The following NWD1 variants were observed in gnomAD, a reference collection of about 807,000 sequenced individuals.
NWD1 encodes NACHT domain- and WD repeat-containing protein 1.
In NWD1, 129 loss-of-function variants were observed where a neutral mutation model predicts 135.1. The ratio of observed to expected loss-of-function variants is 0.96; its 90% CI spans 0.83 to 1.11. The LOEUF (loss-of-function observed/expected upper bound fraction) is 1.11. NWD1 is among the 50% of genes least tolerant of loss of function. The pLI is 0.00. For missense variants in NWD1, 1,740 were observed against 1,851.3 expected, an observed-to-expected ratio of 0.94 and a Z score of 1.10; for synonymous variants, 773 against 786.0, an observed-to-expected ratio of 0.98 and a Z score of 0.28.
intron 15 of NWD1, among the ~76,000 whole-genome samples, chr19:16,795,401 A>C (rs905225281): frequency 3.3e-5 from 5 of 150,036 alleles, no homozygotes; most frequent in African/African-American, 9.8e-5. Context: ...GGGGTGTTAC[A>C]GTGTGCTAAT....
In NWD1 at chr19:16,789,091, C is replaced by G. The variant is rs764849466; in HGVS notation, c.2841C>G (p.Thr947=). ...WNLLSGQEKF[T]IWDGGSKNPA... Reference sequence around the variant, plus strand: ...TACTCTCTGGCCAGGAGAAATTTACCATTTGGGATGGAGGCTCAAAAAATC... The same window carrying G: ...TACTCTCTGGCCAGGAGAAATTTACGATTTGGGATGGAGGCTCAAAAAATC... Residue 947 remains threonine (T), a synonymous_variant, in exon 13 of 19, where the codon ACC becomes ACG. Transcript: ENST00000524140. 6.2e-7 allele frequency: 1 copy of G among 1,613,792 alleles called. No homozygotes were observed. Among genetic ancestry groups the G allele is most frequent in the South Asian group, 1.1e-5 (1 of 91,060 alleles).
At chr19:16,802,530 C>G (rs1021456757) in intron 17 of NWD1, among the ~76,000 whole-genome samples, 2 of 151,080 alleles carry the variant, frequency 1.3e-5, no homozygotes, top group African/African-American at 4.9e-5. Flanking sequence ...GGCCGTATGA[C>G]CTCTGCACAC....
intron 8 of NWD1, among the ~76,000 whole-genome samples, chr19:16,762,890 T>C (rs1409566635): frequency 6.6e-6 from 1 of 151,984 alleles, no homozygotes; most frequent in African/African-American, 2.4e-5. Context: ...GTTCAAGCGA[T>C]TCTCCCACTC....
chr19:16,758,328 G>A (rs1450083207), intron 6 of NWD1, among the ~76,000 whole-genome samples: 2 of 152,164 alleles, frequency 1.3e-5, no homozygotes, highest in Non-Finnish European at 2.9e-5. Flanking sequence ...CCAGTCTGGA[G>A]TGCAGTGATG....
intron 15 of NWD1, 117 bp from the exon 16 acceptor site, chr19:16,797,615 T>G (rs1970459619): frequency 2.1e-6 from 2 of 943,038 alleles, no homozygotes; most frequent in African/African-American, 3.3e-5. Context: ...CCCAAAGTGC[T>G]GGGATTACAG....
At position 16,816,831 on chromosome 19, in the gene NWD1, G is replaced by C. The variant is rs1971079751; in HGVS notation, c.*1792G>C. ...TCCATTTTCCAAACCAGTTTTCCAAGGCAGGTTTTGGTAGTTCTGCAAATG... is the reference window on the plus strand; with the variant it reads ...TCCATTTTCCAAACCAGTTTTCCAACGCAGGTTTTGGTAGTTCTGCAAATG... On this transcript the variant is annotated 3_prime_UTR_variant, in exon 19 of 19. Coordinates refer to ENST00000524140, the MANE Select transcript of NWD1 (RefSeq NM_001007525.5). The C allele has an allele frequency of 6.6e-6, 1 of 152,074 alleles. No homozygotes were observed. Among genetic ancestry groups the C allele is most frequent in the Non-Finnish European group, 1.5e-5 (1 of 68,028 alleles). 9.4% of individuals were successfully genotyped at this position (152,074 alleles called of 1,614,324 possible).
At position 16,762,075 on chromosome 19, in the gene NWD1, C is replaced by CACT. The variant is rs767000359; in HGVS notation, c.2070_2071insACT (p.Ser690_Gln691insThr). 5.6e-6 allele frequency: 9 copies of CACT among 1,613,952 alleles called. No homozygotes were observed. Among genetic ancestry groups the CACT allele is most frequent in the Non-Finnish European group, 6.8e-6 (8 of 1,180,002 alleles). On this transcript the variant is annotated inframe_insertion, in exon 8 of 19. Coordinates refer to ENST00000524140, the MANE Select transcript of NWD1 (RefSeq NM_001007525.5). ...CCGACTTCTTCTCAGGGACCTGGAG[C>CACT]CAGGGTACCAAGAAGCTCATCACTC...
chr19:16,739,899 G>GT (rs901583375), intron 4 of NWD1, among the ~76,000 whole-genome samples: 9 of 152,152 alleles, frequency 5.9e-5, no homozygotes, highest in South Asian at 2.1e-4. Context: ...GTTTTGTTTT[G>GT]TTTTTTACCA....
intron 5 of NWD1, among the ~76,000 whole-genome samples, chr19:16,747,323 C>CCG (rs1260321563): frequency 6.0e-5 from 9 of 150,342 alleles, no homozygotes; most frequent in Non-Finnish European, 1.3e-4. Context: ...GTATGAGCAC[C>CCG]CGCGCCTGGC....
chr19:16,753,173 G>A (rs1243321147), intron 6 of NWD1, among the ~76,000 whole-genome samples: 1 of 152,166 alleles, frequency 6.6e-6, no homozygotes, highest in East Asian at 1.9e-4. Context: ...AACTCCTCTT[G>A]TAGACTCTTC....
At chr19:16,761,255 T>G (rs912977395) in intron 7 of NWD1, among the ~76,000 whole-genome samples, 1 of 152,170 alleles carries the variant, frequency 6.6e-6, no homozygotes, top group African/African-American at 2.4e-5. Context: ...TTTGTTTATC[T>G]TCGTCTATGG....
chr19:16,775,910 G>A (rs554504669), intron 11 of NWD1, among the ~76,000 whole-genome samples: 9 of 152,072 alleles, frequency 5.9e-5, no homozygotes, highest in East Asian at 1.9e-4. Flanking sequence ...TCAGGTGATC[G>A]CCTACCTTGG....
chr19:16,775,785 A>T (rs1241865715), intron 11 of NWD1, among the ~76,000 whole-genome samples: 1 of 152,146 alleles, frequency 6.6e-6, no homozygotes. Flanking sequence ...TTCCTGCCTC[A>T]GCCTCCCAAG....
intron 17 of NWD1, among the ~76,000 whole-genome samples, chr19:16,806,269 G>A (rs1265682557): frequency 6.6e-6 from 1 of 152,144 alleles, no homozygotes; most frequent in African/African-American, 2.4e-5. Context: ...AATTCTCGCA[G>A]ACCCAGCAGT....
Position 16,797,862 on chromosome 19 carries a change from G to A in NWD1, c.3435G>A (p.Thr1145=), listed in dbSNP as rs575558256. The change falls in exon 16 of 19, where the codon ACG becomes ACA. Residue 1145 remains threonine (T), a synonymous_variant. Coordinates refer to ENST00000524140, the MANE Select transcript of NWD1 (RefSeq NM_001007525.5). ...GTACTGAGAACAACCTGATCATCAC[G>A]GGGTCCCTTGATGCGCTCATTCAGG... ...VFGTENNLII[T]GSLDALIQVW... 754 of 1,613,946 alleles carry A rather than the reference G, an allele frequency of 4.7e-4. 8 individuals are homozygous for A. In the South Asian group the frequency reaches 7.6e-3, roughly 16 times the overall value.
In NWD1 at chr19:16,775,865, A is replaced by G. The variant is rs139539640; in HGVS notation, c.2608+2542A>G. ...GTATTCTTGGTAGAGACAGGGTTTC[A>G]CCATGTTGGCCAGGCTGGTCTCAAA... On this transcript the variant is annotated intron_variant, in intron 11 of 18. Coordinates refer to ENST00000524140, the MANE Select transcript of NWD1 (RefSeq NM_001007525.5). 1.3e-4 allele frequency among the ~76,000 whole-genome samples: 20 copies of G among 152,032 alleles called. No individual in the cohort carries two copies. The East Asian group carries it at 3.9e-3, about 30-fold the overall frequency.
At position 16,787,901 on chromosome 19, in the gene NWD1, A is replaced by G. The variant is rs376049867; in HGVS notation, c.2732-1081A>G. On this transcript the variant is annotated intron_variant, in intron 12 of 18. Coordinates refer to ENST00000524140, the MANE Select transcript of NWD1 (RefSeq NM_001007525.5). The stretch of plus-strand genomic sequence containing the variant: ...CAATAATAATAATAATAATAATAAT[A>G]ATAATCATCATCATCATCATCATCA... Among the ~76,000 whole-genome samples, 11 of 84,328 alleles carry G rather than the reference A, an allele frequency of 1.3e-4. No homozygotes were observed. The South Asian group carries it at 4.8e-3, about 37-fold the overall frequency. 55.3% of individuals were successfully genotyped at this position (84,328 alleles called of 152,430 possible).
chr19:16,724,845 A>G (rs555033788), intron 2 of NWD1, among the ~76,000 whole-genome samples: 1 of 151,632 alleles, frequency 6.6e-6, no homozygotes, highest in Non-Finnish European at 1.5e-5. Flanking sequence ...GGCATGTGAC[A>G]CCATACCCAG....
rs1401102106 is a variant in NWD1, at chr19:16,738,184, G to T, written c.198+1434G>T. On this transcript the variant is annotated intron_variant, in intron 4 of 18. Transcript: ENST00000524140. ...TTAGTCGTTCTGACAGAGACCATCT[G>T]GCCTGTAAAGCCAAAAGTATTGACT... is the stretch of plus-strand genomic sequence containing the variant. 5 of 452,720 alleles carry T rather than the reference G, an allele frequency of 1.1e-5. No individual in the cohort carries two copies. In the Admixed American group the frequency reaches 1.2e-4, roughly 11 times the overall value. 28.0% of individuals were successfully genotyped at this position (452,720 alleles called of 1,614,324 possible).
Sources: gnomAD v4.1 joint callset for allele counts (sites outside exome capture counted in the v4.1 genomes callset) on GRCh38, gnomAD v4.1.1 for gene constraint, MANE v1.5 for transcripts, NCBI Gene and HGNC (gene_info 2026-07-23, HGNC 2026-07-21) for gene names.